Variants in SLC44A1 observed in about 807,000 individuals in gnomAD.
The protein encoded by SLC44A1 is solute carrier family 44 member 1, also known as choline transporter-like protein 1.
In SLC44A1, 26 loss-of-function variants were observed where a neutral mutation model predicts 79.3. That is an observed-to-expected ratio of 0.33 (90% CI 0.24 to 0.46). The LOEUF is 0.46. Ranked by LOEUF, SLC44A1 falls within the 20% of genes least tolerant of loss-of-function variation. The pLI, the probability that SLC44A1 is intolerant of heterozygous loss-of-function variation, is 1.00. For missense variants in SLC44A1, 688 were observed against 798.1 expected, an observed-to-expected ratio of 0.86 and a Z score of 1.66; for synonymous variants, 263 against 286.2, an observed-to-expected ratio of 0.92 and a Z score of 0.82.
chr9:105,362,684 A>C (rs1194566704), intron 8 of SLC44A1, 137 bp from the exon 9 acceptor site: 1 of 538,132 alleles, frequency 1.9e-6, no homozygotes, highest in African/African-American at 2.0e-5. Context: ...AGAGATACTT[A>C]CTGATAAAGT....
At chr9:105,261,594 C>A (rs748732256) in intron 1 of SLC44A1, among the ~76,000 whole-genome samples, 35 of 152,066 alleles carry the variant, frequency 2.3e-4, no homozygotes, top group Non-Finnish European at 3.4e-4. Context: ...CCCAAGCTGG[C>A]TGCATGCTTT....
At chr9:105,424,528 A>C (rs1829294863) in intron 15 of SLC44A1, among the ~76,000 whole-genome samples, 1 of 152,228 alleles carries the variant, frequency 6.6e-6, no homozygotes, top group African/African-American at 2.4e-5. Context: ...TGCAATGTTT[A>C]CTGCTAACTA....
rs1828480842 is a variant in SLC44A1, at chr9:105,381,971, T to C, written c.1633-1152T>C. Reference sequence around the variant, plus strand: ...TGATTCTAGGGGTCTCTTTTTTCCCTTTACTTAAAGCCTTATACAAGACAA... The same window carrying C: ...TGATTCTAGGGGTCTCTTTTTTCCCCTTACTTAAAGCCTTATACAAGACAA... On this transcript the variant is annotated intron_variant, in intron 13 of 15. Transcript: ENST00000374720. 2.6e-5 allele frequency among the ~76,000 whole-genome samples: 4 copies of C among 152,310 alleles called. No homozygotes were observed. The South Asian group carries it at 8.3e-4, about 32-fold the overall frequency.
Position 105,389,083 on chromosome 9 carries a change from T to C in SLC44A1, c.*27T>C, listed in dbSNP as rs371646080. 1.2e-5 allele frequency: 19 copies of C among 1,612,778 alleles called. No individual in the cohort carries two copies. The African/African-American group carries it at 2.0e-4, about 17-fold the overall frequency. ...CCTAGCCGACGGTTATGGAAACCCA[T>C]TGACATTCCAAAACAATATATACAC... is the stretch of plus-strand genomic sequence containing the variant. On this transcript the variant is annotated 3_prime_UTR_variant, in exon 16 of 16. Coordinates refer to ENST00000374720, the MANE Select transcript of SLC44A1 (RefSeq NM_080546.5).
rs779421658 is a variant in SLC44A1 at position 105,364,610 on chromosome 9, G to A, written c.1143G>A (p.Leu381=). 11 of 1,614,046 alleles carry A rather than the reference G, an allele frequency of 6.8e-6. No homozygotes were observed. The highest frequency in any genetic ancestry group is 9.3e-6 in the Non-Finnish European group (11 of 1,179,936). The change falls in exon 10 of 16, where the codon CTG becomes CTA. Residue 381 remains leucine (L), a synonymous_variant. Coordinates refer to ENST00000374720, the MANE Select transcript of SLC44A1 (RefSeq NM_080546.5). ...TGGAGTTCAAAATTTCTGGGCCTCT[G>A]CAGTACATGTGGTGGTACCATGTGG... ...GFVEFKISGP[L]QYMWWYHVVG... is the part of the protein sequence containing the mutation.
chr9:105,351,741 C>A (rs1490613164), intron 5 of SLC44A1, among the ~76,000 whole-genome samples: 2 of 152,064 alleles, frequency 1.3e-5, no homozygotes, highest in Non-Finnish European at 2.9e-5. Context: ...TTAACATTTA[C>A]AAATCATCTA....
chr9:105,251,147 T>A (rs1447504686), intron 1 of SLC44A1, among the ~76,000 whole-genome samples: 1 of 152,200 alleles, frequency 6.6e-6, no homozygotes, highest in East Asian at 1.9e-4. Flanking sequence ...CACTAGAATA[T>A]TGTACAGGCA....
At chr9:105,245,378 C>G (rs1266539569) in intron 1 of SLC44A1, among the ~76,000 whole-genome samples, 1 of 152,252 alleles carries the variant, frequency 6.6e-6, no homozygotes, top group African/African-American at 2.4e-5. Context: ...ACCTCTCCCA[C>G]CGAATTCCAG....
chr9:105,409,956 CA>C (rs1829074667), intron 15 of SLC44A1, among the ~76,000 whole-genome samples: 2 of 151,710 alleles, frequency 1.3e-5, no homozygotes, highest in Admixed American at 6.6e-5. Flanking sequence ...TGTTAGGCCA[CA>C]AAACAAATCA....
At chr9:105,323,259 G>A (rs1826457663) in intron 3 of SLC44A1, among the ~76,000 whole-genome samples, 1 of 151,230 alleles carries the variant, frequency 6.6e-6, no homozygotes. Context: ...TAATACCAAG[G>A]TAGGCATGTT....
At chr9:105,357,306 G>C (rs1291070861) in intron 6 of SLC44A1, 1 of 152,080 alleles carries the variant, frequency 6.6e-6, no homozygotes, top group Non-Finnish European at 1.5e-5. Flanking sequence ...CATTTATTTG[G>C]CTTTGCAAGT....
chr9:105,318,462 GA>G (rs1339415585), intron 3 of SLC44A1, among the ~76,000 whole-genome samples: 1 of 152,134 alleles, frequency 6.6e-6, no homozygotes, highest in Non-Finnish European at 1.5e-5. Context: ...TTATAGGCGT[GA>G]GCCACTACAC....
chr9:105,419,167 C>T (rs539225487), intron 15 of SLC44A1, among the ~76,000 whole-genome samples: 12 of 152,188 alleles, frequency 7.9e-5, no homozygotes, highest in African/African-American at 2.9e-4. Flanking sequence ...GAAAAAAATG[C>T]GAGTTTGCAA....
chr9:105,438,267 AT>A, intron 15 of SLC44A1: 1 of 1,549,476 alleles, frequency 6.5e-7, no homozygotes, highest in Non-Finnish European at 8.7e-7. Flanking sequence ...CATTTTCTTG[AT>A]GTGTTTTTTC....
chr9:105,390,030 C>A lies in SLC44A1; in HGVS notation c.*974C>A. The A allele has an allele frequency of 7.4e-7, 1 of 1,354,846 alleles. No homozygotes were observed. Among genetic ancestry groups the A allele is most frequent in the South Asian group, 2.1e-5 (1 of 47,050 alleles). 83.9% of individuals were successfully genotyped at this position (1,354,846 alleles called of 1,614,324 possible). On this transcript the variant is annotated 3_prime_UTR_variant, in exon 16 of 16. Transcript: ENST00000374720. ...CTTAGGGTTAAACGGCCATTTTATT[C>A]AAATGCTTGCTATACAATCTGAAAA...
chr9:105,329,691 G>T (rs1826690573), intron 3 of SLC44A1, among the ~76,000 whole-genome samples: 1 of 151,994 alleles, frequency 6.6e-6, no homozygotes, highest in African/African-American at 2.4e-5. Flanking sequence ...CTTCTCCTTG[G>T]TGCATAGCTC....
intron 1 of SLC44A1, among the ~76,000 whole-genome samples, chr9:105,253,977 T>A (rs992238321): frequency 5.9e-5 from 9 of 152,128 alleles, no homozygotes; most frequent in Non-Finnish European, 1.5e-5. Flanking sequence ...TGCCTCGGCC[T>A]CCCAAAGTGC....
chr9:105,402,645 C>G (rs896100393), intron 15 of SLC44A1, among the ~76,000 whole-genome samples: 2 of 150,992 alleles, frequency 1.3e-5, no homozygotes, highest in Admixed American at 6.6e-5. Flanking sequence ...TTTCAGCTCC[C>G]CACATAACAA....
At chr9:105,351,632 GAGAAAGAAAGAA>G (rs55635937) in intron 5 of SLC44A1, among the ~76,000 whole-genome samples, 15 of 101,356 alleles carry the variant, frequency 1.5e-4, no homozygotes, top group African/African-American at 4.1e-4. Context: ...GAGAGAGAAA[GAGAAAGAAAGAA>G]AGAAAGAAAG....
Sources: allele counts gnomAD v4.1 joint callset (sites outside exome capture counted in the v4.1 genomes callset), GRCh38; gene constraint gnomAD v4.1.1; transcripts MANE v1.5; gene names NCBI Gene and HGNC (gene_info 2026-07-23, HGNC 2026-07-21).